Variants in SMARCB1 observed in about 807,000 individuals in gnomAD.
SMARCB1 encodes the protein SWI/SNF related BAF chromatin remodeling complex subunit B1, also known as SWI/SNF-related matrix-associated actin-dependent regulator of chromatin subfamily B member 1.
Under a neutral mutation model 49.0 loss-of-function variants are expected in SMARCB1, and 5 were observed. The observed-to-expected ratio is 0.10, with a 90% CI of 0.05 to 0.21. The LOEUF (loss-of-function observed/expected upper bound fraction) is 0.21, where lower values mean the gene tolerates loss of function less well. SMARCB1 is among the 10% of genes least tolerant of loss of function. SMARCB1 has a pLI of 1.00. For missense variants in SMARCB1, 226 were observed against 509.2 expected (o/e 0.44, Z 5.35); for synonymous variants, 201 against 200.1 (o/e 1.00, Z -0.04).
At chr22:23,792,549 T>G in intron 2 of SMARCB1, 1 of 172,322 alleles carries the variant, frequency 5.8e-6, no homozygotes, top group Admixed American at 5.4e-5. Context: ...CTTGGGCAGG[T>G]GGCAAAACTG....
chr22:23,810,671 T>C (rs1297303677), intron 5 of SMARCB1, among the ~76,000 whole-genome samples: 8 of 152,086 alleles, frequency 5.3e-5, no homozygotes. Flanking sequence ...TAACAAATTA[T>C]GTTTGACAGT....
At chr22:23,793,781 CTT>C (rs11413092) in intron 3 of SMARCB1, 93 bp downstream of exon 3, 2,062 of 771,306 alleles carry the variant, frequency 2.7e-3, no homozygotes, top group East Asian at 3.8e-3. Context: ...AATTGAAACA[CTT>C]TTTTTTTTTT....
At position 23,837,217 on chromosome 22, in the gene SMARCB1, C is replaced by T. The variant is rs2031135495; in HGVS notation, c.*3037C>T. ...AGCCCAGAGTCCTAGACCAGCAGAG[C>T]CTGCCCCAGGCCCCCATCCACAGCC... On this transcript the variant is annotated 3_prime_UTR_variant, in exon 9 of 9. Coordinates refer to ENST00000644036, the MANE Select transcript of SMARCB1 (RefSeq NM_003073.5). The T allele has an allele frequency of 6.3e-7, 1 of 1,580,912 alleles. No individual in the cohort carries two copies. The highest frequency in any genetic ancestry group is 1.1e-5 in the South Asian group (1 of 87,780).
rs150664553 is a variant in SMARCB1, at chr22:23,838,005, C to T, written c.*3825C>T. 3.0e-4 allele frequency: 372 copies of T among 1,253,726 alleles called. No individual in the cohort carries two copies. The African/African-American group carries it at 4.8e-3, about 16-fold the overall frequency. The allele number at this position is 1,253,726 out of a possible 1,614,324, so 77.7% of individuals were successfully genotyped here. On this transcript the variant is annotated 3_prime_UTR_variant, in exon 9 of 9. Coordinates refer to ENST00000644036, the MANE Select transcript of SMARCB1 (RefSeq NM_003073.5). ...AGTCCAATAAAGGCGACACACTCCA[C>T]GGGCTTCAGGTCCCACGAAATCTGC...
chr22:23,788,695 T>C (rs1928171506), intron 1 of SMARCB1, among the ~76,000 whole-genome samples: 2 of 152,186 alleles, frequency 1.3e-5, no homozygotes, highest in Admixed American at 6.5e-5. Context: ...TGTGAGCTAC[T>C]GCACTCACAC....
intron 7 of SMARCB1, among the ~76,000 whole-genome samples, chr22:23,827,574 C>A (rs1418554082): frequency 1.3e-5 from 2 of 152,200 alleles, no homozygotes; most frequent in Non-Finnish European, 2.9e-5. Flanking sequence ...CCCCTGCTCT[C>A]TCTTATGCTG....
intron 3 of SMARCB1, among the ~76,000 whole-genome samples, chr22:23,800,685 A>T (rs1156621175): frequency 1.3e-5 from 2 of 152,130 alleles, no homozygotes; most frequent in East Asian, 3.9e-4. Context: ...CCGTGGAGCC[A>T]TGCCTGGCTC....
chr22:23,795,935 A>C (rs1455840454), intron 3 of SMARCB1, among the ~76,000 whole-genome samples: 1 of 151,248 alleles, frequency 6.6e-6, no homozygotes, highest in East Asian at 2.0e-4. Flanking sequence ...GGATTACTGG[A>C]ATGCACCACT....
rs549297673 is a variant in SMARCB1 at position 23,809,101 on chromosome 22, G to T, written c.628+5679G>T. 2.2e-3 allele frequency among the ~76,000 whole-genome samples: 337 copies of T among 151,712 alleles called. 4 individuals carry two copies. The highest frequency in any genetic ancestry group is 7.9e-3 in the African/African-American group (326 of 41,216). ...GCCCGCCTTGGCCTCCCAAAGTGCT[G>T]GGATTACAGACGTGAGCCACCGCGC... On this transcript the variant is annotated intron_variant, in intron 5 of 8. Coordinates refer to ENST00000644036, the MANE Select transcript of SMARCB1 (RefSeq NM_003073.5).
intron 5 of SMARCB1, among the ~76,000 whole-genome samples, chr22:23,811,796 A>G (rs1037131824): frequency 6.6e-6 from 1 of 152,274 alleles, no homozygotes; most frequent in Non-Finnish European, 1.5e-5. Context: ...ACCAAGAGAA[A>G]CAAAACCAAA....
chr22:23,815,895 G>A (rs1432337824), intron 5 of SMARCB1: 4 of 152,264 alleles, frequency 2.6e-5, no homozygotes, highest in African/African-American at 9.7e-5. Context: ...ATTTTAAAAT[G>A]CTCTGGGCAG....
intron 6 of SMARCB1, among the ~76,000 whole-genome samples, chr22:23,822,554 A>G (rs2030148342): frequency 6.6e-6 from 1 of 152,124 alleles, no homozygotes; most frequent in Admixed American, 6.5e-5. Flanking sequence ...TGTCTGCCCA[A>G]AATACCGCAG....
At chr22:23,809,952 C>T (rs5760041) in intron 5 of SMARCB1, among the ~76,000 whole-genome samples, 70,149 of 149,436 alleles carry the variant, frequency 0.47, 18,976 homozygotes, top group Non-Finnish European at 0.6. Flanking sequence ...GGGCGGATCA[C>T]GAGGTCAGGA....
At position 23,837,634 on chromosome 22, in the gene SMARCB1, G is replaced by A. The variant is rs757128009; in HGVS notation, c.*3454G>A. The A allele has an allele frequency of 3.8e-5, 61 of 1,604,364 alleles. No individual in the cohort carries two copies. Among genetic ancestry groups the A allele is most frequent in the Admixed American group, 1.2e-4 (7 of 59,648 alleles). On this transcript the variant is annotated 3_prime_UTR_variant, in exon 9 of 9. Transcript: ENST00000644036. The stretch of plus-strand genomic sequence containing the variant: ...CTGAGGGGAGTGGCCAGCCTGGGGC[G>A]GACTAGATGTACCGGGAGGCTCACC...
At chr22:23,828,154 G>A (rs1421692644) in intron 7 of SMARCB1, among the ~76,000 whole-genome samples, 2 of 152,130 alleles carry the variant, frequency 1.3e-5, no homozygotes, top group African/African-American at 2.4e-5. Context: ...CTGGGTTCAC[G>A]CCATTCTCCT....
intron 5 of SMARCB1, among the ~76,000 whole-genome samples, chr22:23,806,874 T>G (rs531721848): frequency 1.4e-5 from 2 of 147,986 alleles, no homozygotes; most frequent in Non-Finnish European, 3.0e-5. Context: ...TAGCTGAGAT[T>G]GTGGCATTGC....
rs56800497 is a variant in SMARCB1 at position 23,830,649 on chromosome 22, C to CTTTTTTTTTTTT, written c.987-2901_987-2890dup. Among the ~76,000 whole-genome samples, 51 of 95,404 alleles carry CTTTTTTTTTTTT rather than the reference C, an allele frequency of 5.3e-4. 3 individuals are homozygous for CTTTTTTTTTTTT. The highest frequency in any genetic ancestry group is 1.5e-3 in the East Asian group (4 of 2,658). The allele number at this position is 95,404 out of a possible 152,430, so 62.6% of individuals were successfully genotyped here. The stretch of plus-strand genomic sequence containing the variant: ...TTCATTTTGATGTAGTCCAATTTAT[C>CTTTTTTTTTTTT]TTTTTTTTTTTTTTTTTTTTTTTTT... On this transcript the variant is annotated intron_variant, in intron 7 of 8. Coordinates refer to ENST00000644036, the MANE Select transcript of SMARCB1 (RefSeq NM_003073.5).
chr22:23,799,543 G>A (rs537319433), intron 3 of SMARCB1, among the ~76,000 whole-genome samples: 3 of 106,514 alleles, frequency 2.8e-5, no homozygotes, highest in East Asian at 2.7e-4. Flanking sequence ...ATGGAGTTTC[G>A]CTCTTGTTGC....
intron 5 of SMARCB1, among the ~76,000 whole-genome samples, chr22:23,806,958 C>T (rs1929535271): frequency 6.8e-6 from 1 of 148,042 alleles, no homozygotes; most frequent in Non-Finnish European, 1.5e-5. Context: ...GGATTTTTCT[C>T]AGGTTTCTGG....
Sources: allele counts gnomAD v4.1 joint callset (sites outside exome capture counted in the v4.1 genomes callset), GRCh38; gene constraint gnomAD v4.1.1; transcripts MANE v1.5; gene names NCBI Gene and HGNC (gene_info 2026-07-23, HGNC 2026-07-21).